PDZD2: variants seen among roughly 807,000 people sequenced by gnomAD.
PDZD2 encodes the protein PDZ domain containing 2.
PDZD2 carries 90 observed loss-of-function variants against 220.7 expected under a neutral mutation model. The observed-to-expected ratio is 0.41, with a 90% CI of 0.34 to 0.49. The LOEUF is 0.49. Ranked by LOEUF, PDZD2 falls within the 20% of genes least tolerant of loss-of-function variation. The pLI, the probability that PDZD2 is intolerant of heterozygous loss-of-function variation, is 0.28. For missense variants in PDZD2, 3,174 were observed against 3,608.5 expected (o/e 0.88, Z 3.08); for synonymous variants, 1,375 against 1,450.5 (o/e 0.95, Z 1.18).
chr5:32,093,457 T>C (rs283122), intron 21 of PDZD2, among the ~76,000 whole-genome samples: 37,292 of 151,976 alleles, frequency 0.25, 5,913 homozygotes, highest in African/African-American at 0.45. Context: ...CCCTGAAATA[T>C]GGTGGACCCC....
chr5:31,828,477 T>C (rs1461927874), intron 2 of PDZD2, among the ~76,000 whole-genome samples: 3 of 152,222 alleles, frequency 2.0e-5, no homozygotes, highest in South Asian at 2.1e-4. Context: ...TGTATATCTT[T>C]GGAGAGATGT....
intron 2 of PDZD2, among the ~76,000 whole-genome samples, chr5:31,841,405 T>C (rs1456243431): frequency 1.3e-5 from 2 of 152,236 alleles, no homozygotes; most frequent in African/African-American, 4.8e-5. Context: ...CCAGGCATGG[T>C]GGCTCACACT....
intron 2 of PDZD2, among the ~76,000 whole-genome samples, chr5:31,811,030 A>G (rs367804748): frequency 2.6e-5 from 4 of 152,110 alleles, no homozygotes; most frequent in African/African-American, 9.6e-5. Context: ...CCTAGGCTGG[A>G]CAGAGCACAA....
At chr5:31,778,591 C>A (rs1035951711) in intron 1 of PDZD2, among the ~76,000 whole-genome samples, 1 of 152,274 alleles carries the variant, frequency 6.6e-6, no homozygotes, top group South Asian at 2.1e-4. Context: ...GCCAGCGAGA[C>A]CATGAACCCA....
chr5:32,050,388 A>G (rs1738413875), intron 8 of PDZD2, among the ~76,000 whole-genome samples: 1 of 152,230 alleles, frequency 6.6e-6, no homozygotes, highest in Admixed American at 6.5e-5. Context: ...CGGGAAGCCC[A>G]GGCCAGGGTA....
At chr5:32,016,430 A>G (rs1322850013) in intron 6 of PDZD2, among the ~76,000 whole-genome samples, 12 of 152,212 alleles carry the variant, frequency 7.9e-5, no homozygotes, top group Admixed American at 7.9e-4. Context: ...TACAAAGAAC[A>G]ATGAATACCA....
intron 1 of PDZD2, among the ~76,000 whole-genome samples, chr5:31,776,493 C>CATTT (rs1389854315): frequency 2.5e-5 from 3 of 121,338 alleles, no homozygotes; most frequent in Non-Finnish European, 3.6e-5. Flanking sequence ...TTTATTTATT[C>CATTT]ATTTTTAGTA....
At chr5:31,858,384 A>T (rs7726938) in intron 2 of PDZD2, among the ~76,000 whole-genome samples, 1,643 of 152,340 alleles carry the variant, frequency 0.011, 30 homozygotes, top group African/African-American at 0.038. Flanking sequence ...CTTTGCAAAA[A>T]TTAGTACAGC....
chr5:32,059,318 T>G lies in PDZD2; in HGVS notation c.2280T>G (p.Leu760=). The part of the protein sequence containing the change: ...NSPPGIYIHS[L]APGSVAKMES... The stretch of plus-strand genomic sequence containing the variant: ...CTCCTGGCATCTACATTCACAGCCT[T>G]GCTCCAGGATCAGTGGCCAAGATGG... The change falls in exon 13 of 25, where the codon CTT becomes CTG. Residue 760 remains leucine (L), a synonymous_variant. Coordinates refer to ENST00000438447, the MANE Select transcript of PDZD2 (RefSeq NM_178140.4). 6.2e-7 allele frequency: 1 copy of G among 1,612,984 alleles called. No homozygotes were observed. Among genetic ancestry groups the G allele is most frequent in the African/African-American group, 1.3e-5 (1 of 75,038 alleles).
chr5:31,951,565 A>C (rs1377603718), intron 2 of PDZD2, among the ~76,000 whole-genome samples: 1 of 152,230 alleles, frequency 6.6e-6, no homozygotes, highest in Non-Finnish European at 1.5e-5. Context: ...TCTTTCACTT[A>C]GCATAATGGA....
intron 1 of PDZD2, among the ~76,000 whole-genome samples, chr5:31,759,148 C>T (rs976532376): frequency 6.6e-6 from 1 of 151,534 alleles, no homozygotes; most frequent in East Asian, 2.0e-4. Context: ...CCCACCCCCT[C>T]CTCCACCTCC....
rs1339119900 is a variant in PDZD2 at position 32,074,633 on chromosome 5, C to T, written c.3527C>T (p.Ala1176Val). 6.2e-7 allele frequency: 1 copy of T among 1,603,004 alleles called. No individual in the cohort carries two copies. Among genetic ancestry groups the T allele is most frequent in the East Asian group, 2.2e-5 (1 of 44,752 alleles). Residue 1176 changes from alanine to valine, a missense_variant, in exon 18 of 25, where the codon GCT becomes GTT. Ala to Val is a moderately conservative substitution (Grantham distance 64, BLOSUM62 0). Around this residue, in one of 4 missense-constraint regions of PDZD2, gnomAD observed 1,861 missense variants for 2,001.0 expected, o/e 0.93. Transcript: ENST00000438447. ...GTCGCTGGCTTTCAGCCAGGTGGAG[C>T]TGTGGAGAAGGTAACTGACTTTCTC... ...VTVAGFQPGG[A>V]VEKESLGKLT...
In PDZD2 at chr5:32,087,786, G is replaced by C. The variant is rs72743803; in HGVS notation, c.4338G>C (p.Thr1446=). Residue 1446 remains threonine, a synonymous_variant, in exon 20 of 25, where the codon ACG becomes ACC. Transcript: ENST00000438447. This position sits in a 1 kb window ranked among gnomAD's most constrained non-coding sequence, Gnocchi z 4.0. ...CAGCAAGGTCTCCGTCTTCCCAGAC[G>C]GGGGACAGTGGCTCTCAGGAGGGCA... ...ASAARSPSSQ[T]GDSGSQEGSA... 7.9e-4 allele frequency: 1,273 copies of C among 1,613,710 alleles called. 1 individual carries two copies. Among genetic ancestry groups the C allele is most frequent in the Admixed American group, 1.1e-3 (66 of 59,974 alleles).
chr5:31,917,689 G>A (rs1411867049), intron 2 of PDZD2, among the ~76,000 whole-genome samples: 1 of 152,162 alleles, frequency 6.6e-6, no homozygotes, highest in Non-Finnish European at 1.5e-5. Flanking sequence ...AATTTATAAA[G>A]AAAAGAGGTT....
At chr5:32,007,959 G>A (rs1476924675) in intron 5 of PDZD2, among the ~76,000 whole-genome samples, 2 of 152,058 alleles carry the variant, frequency 1.3e-5, no homozygotes, top group African/African-American at 2.4e-5. Flanking sequence ...AAGATCAAAG[G>A]GCTGTGTGTT....
intron 1 of PDZD2, among the ~76,000 whole-genome samples, chr5:31,737,339 A>AT (rs1436830779): frequency 6.7e-6 from 1 of 150,194 alleles, no homozygotes; most frequent in East Asian, 2.0e-4. Flanking sequence ...CGCCCAGCTA[A>AT]TTTGTTGTAT....
At chr5:31,831,353 C>T (rs1464313085) in intron 2 of PDZD2, among the ~76,000 whole-genome samples, 1 of 152,008 alleles carries the variant, frequency 6.6e-6, no homozygotes, top group Admixed American at 6.6e-5. Flanking sequence ...CAGTGGTTCA[C>T]ACCTGTAATC....
chr5:31,954,269 C>T (rs1747457470), intron 2 of PDZD2, among the ~76,000 whole-genome samples: 1 of 152,136 alleles, frequency 6.6e-6, no homozygotes, highest in South Asian at 2.1e-4. Context: ...GCATGATTTC[C>T]TCAACGTTCT....
At chr5:32,031,382 G>A (rs886200670) in intron 6 of PDZD2, among the ~76,000 whole-genome samples, 8 of 152,106 alleles carry the variant, frequency 5.3e-5, no homozygotes, top group Non-Finnish European at 1.2e-4. Context: ...CGCCTATTCT[G>A]ATCAGGGACC....
Sources: allele counts gnomAD v4.1 joint callset (sites outside exome capture counted in the v4.1 genomes callset), GRCh38; gene constraint gnomAD v4.1.1; regional missense constraint gnomAD v4.1.1; non-coding constraint Gnocchi (gnomAD v3.1); transcripts MANE v1.5; gene names NCBI Gene and HGNC (gene_info 2026-07-23, HGNC 2026-07-21).